The following NRXN2 variants were observed in gnomAD, a reference collection of about 807,000 sequenced individuals.
NRXN2 encodes neurexin-2-beta.
Under a neutral mutation model 128.8 loss-of-function variants are expected in NRXN2, and 29 were observed. That is an observed-to-expected ratio of 0.23 (90% CI 0.17 to 0.31). The LOEUF (loss-of-function observed/expected upper bound fraction) is 0.31. NRXN2 is among the 10% of genes least tolerant of loss of function. The pLI is 1.00. For missense variants in NRXN2, 1,881 were observed against 2,452.6 expected, an observed-to-expected ratio of 0.77 and a Z score of 4.92; for synonymous variants, 1,098 against 1,075.2, an observed-to-expected ratio of 1.02 and a Z score of -0.41.
chr11:64,653,570 C>A lies in NRXN2; in HGVS notation c.2416+126G>T, dbSNP rs576418685. The A allele has an allele frequency of 1.0e-4, 100 of 978,702 alleles. No individual in the cohort carries two copies. The African/African-American group carries it at 1.5e-3, about 15-fold the overall frequency. The allele number at this position is 978,702 out of a possible 1,614,324, so 60.6% of individuals were successfully genotyped here. On this transcript the variant is annotated intron_variant, in intron 12 of 22. Coordinates refer to ENST00000265459, the MANE Select transcript of NRXN2 (RefSeq NM_015080.4). ...TCCTGCCTGCACCCCTCCCCACACT[C>A]AAGGCCCAACCCCCATTCGAGCCAG...
intron 2 of NRXN2, among the ~76,000 whole-genome samples, chr11:64,704,841 A>G (rs1034587122): frequency 6.6e-6 from 1 of 152,192 alleles, no homozygotes; most frequent in African/African-American, 2.4e-5. Flanking sequence ...GGGAATCACG[A>G]CCACCTTGAG....
At chr11:64,716,214 G>A (rs983698873) in intron 1 of NRXN2, among the ~76,000 whole-genome samples, 22 of 152,248 alleles carry the variant, frequency 1.4e-4, no homozygotes, top group African/African-American at 1.9e-4. Flanking sequence ...ATCGATTTCC[G>A]CTGGCGGAGG....
Position 64,648,747 on chromosome 11 carries a change from C to G in NRXN2, c.3270G>C (p.Glu1090Asp). The G allele has an allele frequency of 6.2e-7, 1 of 1,613,978 alleles. No homozygotes were observed. Among genetic ancestry groups the G allele is most frequent in the Non-Finnish European group, 8.5e-7 (1 of 1,180,010 alleles). Residue 1090 changes from glutamate to aspartate, a missense_variant, in exon 16 of 23, where the codon GAG (glutamate) becomes GAC (aspartate). Coordinates refer to ENST00000265459, the MANE Select transcript of NRXN2 (RefSeq NM_015080.4). This position sits in a 1 kb window ranked among gnomAD's most constrained non-coding sequence, Gnocchi z 4.1. The stretch of plus-strand genomic sequence containing the variant: ...CCCTCCACTCACCATCACAGCCCCT[C>G]TCCACCTGCCCAATGCGGTGCAGGG... ...ADALHRIGQV[E>D]RGCDGPSTTC...
chr11:64,606,196 T>C lies in NRXN2; in HGVS notation c.*1000A>G, dbSNP rs2039617433. ...CCGTTGGAATTTGGAAAGTTTTTGT[T>C]TTCTTTTTCCCACACATTTCCGGGG... On this transcript the variant is annotated 3_prime_UTR_variant, in exon 23 of 23. Transcript: ENST00000265459. 1 of 152,496 alleles carries C rather than the reference T, an allele frequency of 6.6e-6. No homozygotes were observed. Among genetic ancestry groups the C allele is most frequent in the Admixed American group, 6.5e-5 (1 of 15,282 alleles). The allele number at this position is 152,496 out of a possible 1,614,324, so 9.4% of individuals were successfully genotyped here. A position where few individuals can be genotyped will look rare whatever the true frequency, so the allele number is the denominator to read the frequency against.
chr11:64,642,068 G>C (rs1459269203), intron 17 of NRXN2, among the ~76,000 whole-genome samples: 3 of 152,148 alleles, frequency 2.0e-5, no homozygotes, highest in East Asian at 1.9e-4. Flanking sequence ...GTGGGAGAGA[G>C]GTGAAGGGGG....
At chr11:64,676,679 G>T in intron 7 of NRXN2, 1 of 483,018 alleles carries the variant, frequency 2.1e-6, no homozygotes. Context: ...CAGAGCCGAT[G>T]AACATGGGGC....
At chr11:64,687,320 G>C (rs562378585) in intron 5 of NRXN2, among the ~76,000 whole-genome samples, 57 of 152,268 alleles carry the variant, frequency 3.7e-4, no homozygotes, top group Middle Eastern at 3.4e-3. Context: ...TGGCGGGGGG[G>C]GAGTTTCGGA....
In NRXN2 at chr11:64,606,448, C is replaced by G. The variant is rs892049493; in HGVS notation, c.*748G>C. On this transcript the variant is annotated 3_prime_UTR_variant, in exon 23 of 23. Transcript: ENST00000265459. ...CATTTGCCTTTCCCCTCCCTCCCAC[C>G]CCCCACCCCTGCTCCTCCAGCAGCT... The G allele has an allele frequency of 7.7e-6, 1 of 129,302 alleles. No individual in the cohort carries two copies. The highest frequency in any genetic ancestry group is 2.8e-5 in the African/African-American group (1 of 35,244). The allele number at this position is 129,302 out of a possible 1,614,324, so 8.0% of individuals were successfully genotyped here.
At chr11:64,702,355 G>C (rs1185198785) in intron 2 of NRXN2, among the ~76,000 whole-genome samples, 1 of 152,142 alleles carries the variant, frequency 6.6e-6, no homozygotes, top group Non-Finnish European at 1.5e-5. Context: ...TTGTAGAATA[G>C]AAAGGGGGGA....
chr11:64,650,819 CG>C (rs954739727), intron 14 of NRXN2, among the ~76,000 whole-genome samples, 181 bp from the exon 15 acceptor site: 1 of 152,102 alleles, frequency 6.6e-6, no homozygotes, highest in African/African-American at 2.4e-5. Context: ...GGTCCTGTCA[CG>C]GGGAGAATGT....
intron 15 of NRXN2, among the ~76,000 whole-genome samples, chr11:64,649,540 C>T (rs2135448691): frequency 6.6e-6 from 1 of 152,334 alleles, no homozygotes; most frequent in African/African-American, 2.4e-5. Context: ...AACACAAGAC[C>T]CGCCAAGATA....
intron 7 of NRXN2, among the ~76,000 whole-genome samples, chr11:64,674,887 C>G (rs2051094505): frequency 6.6e-6 from 1 of 152,240 alleles, no homozygotes; most frequent in Non-Finnish European, 1.5e-5. Flanking sequence ...ATGTAGTAGG[C>G]AATGCAGGTA....
Position 64,714,267 on chromosome 11 carries a change from A to G in NRXN2, c.-244-324T>C, listed in dbSNP as rs2057212706. 1.3e-5 allele frequency among the ~76,000 whole-genome samples: 2 copies of G among 152,114 alleles called. No individual in the cohort carries two copies. Among genetic ancestry groups the G allele is most frequent in the Admixed American group, 6.5e-5 (1 of 15,278 alleles). On this transcript the variant is annotated intron_variant, in intron 1 of 22. Coordinates refer to ENST00000265459, the MANE Select transcript of NRXN2 (RefSeq NM_015080.4). This position sits in a 1 kb window ranked among gnomAD's most constrained non-coding sequence, Gnocchi z 4.5. ...AGGACCCCAGTGTCAGGAAGGACCA[A>G]GGCCAGCTCCTTGAGCGAGGCCTGG... is the stretch of plus-strand genomic sequence containing the variant.
rs1565331876 is a variant in NRXN2 at position 64,660,302 on chromosome 11, G to T, written c.2389+30C>A. 6.2e-7 allele frequency: 1 copy of T among 1,609,202 alleles called. No individual in the cohort carries two copies. Among genetic ancestry groups the T allele is most frequent in the Non-Finnish European group, 8.5e-7 (1 of 1,176,954 alleles). On this transcript the variant is annotated intron_variant, in intron 11 of 22. Coordinates refer to ENST00000265459, the MANE Select transcript of NRXN2 (RefSeq NM_015080.4). The surrounding 1 kb of genome is among the most constrained non-coding windows in gnomAD (Gnocchi z 5.2). Reference sequence around the variant, plus strand: ...TGGGTCAGAGACAAGGCCAGGTGAGGGGTCAGGAAGCACAGGGCAGGGTGG... The same window carrying T: ...TGGGTCAGAGACAAGGCCAGGTGAGTGGTCAGGAAGCACAGGGCAGGGTGG...
At chr11:64,620,225 G>C in intron 22 of NRXN2, 69 bp downstream of exon 22, 2 of 1,291,756 alleles carry the variant, frequency 1.5e-6, no homozygotes, top group South Asian at 1.3e-5. Flanking sequence ...CAGGTGGCAG[G>C]GACAGTCGCC....
At chr11:64,612,964 G>A (rs2040902530) in intron 22 of NRXN2, among the ~76,000 whole-genome samples, 1 of 152,216 alleles carries the variant, frequency 6.6e-6, no homozygotes, top group South Asian at 2.1e-4. Flanking sequence ...CACATGGCTG[G>A]GCAAGCAGAG....
chr11:64,682,313 A>G (rs976047232), intron 6 of NRXN2, among the ~76,000 whole-genome samples: 7 of 150,282 alleles, frequency 4.7e-5, no homozygotes, highest in African/African-American at 1.7e-4. Flanking sequence ...GGCAGACTCT[A>G]TTCTTGGGGA....
At position 64,702,627 on chromosome 11, in the gene NRXN2, C is replaced by A. The variant is rs1390304273; in HGVS notation, c.731-4835G>T. ...GCATGCTCCTTGGGAGTCATCACCACTCCCTAATCTCAAGTACCCAGGGAC... is the reference window on the plus strand; with the variant it reads ...GCATGCTCCTTGGGAGTCATCACCAATCCCTAATCTCAAGTACCCAGGGAC... On this transcript the variant is annotated intron_variant, in intron 2 of 22. Coordinates refer to ENST00000265459, the MANE Select transcript of NRXN2 (RefSeq NM_015080.4). 3.3e-5 allele frequency among the ~76,000 whole-genome samples: 5 copies of A among 152,060 alleles called. No homozygotes were observed. In the East Asian group the frequency reaches 7.7e-4, roughly 24 times the overall value.
chr11:64,643,730 C>T (rs2046186860), intron 17 of NRXN2, among the ~76,000 whole-genome samples: 1 of 151,844 alleles, frequency 6.6e-6, no homozygotes, highest in East Asian at 2.0e-4. Context: ...CCGCTCGGCG[C>T]TCTCCTCTCC....
Sources: gnomAD v4.1 joint callset for allele counts (sites outside exome capture counted in the v4.1 genomes callset) on GRCh38, gnomAD v4.1.1 for gene constraint, Gnocchi (gnomAD v3.1) non-coding constraint, MANE v1.5 for transcripts, NCBI Gene and HGNC (gene_info 2026-07-23, HGNC 2026-07-21) for gene names.